ARPP21: variants seen among roughly 807,000 people sequenced by gnomAD.
ARPP21 encodes cAMP-regulated phosphoprotein 21.
ARPP21 carries 69 observed loss-of-function variants against 113.2 expected under a neutral mutation model. The observed-to-expected ratio is 0.61, with a 90% CI of 0.50 to 0.74. ARPP21 has a LOEUF of 0.74. Among genes scored for constraint, ARPP21 ranks in the 30% least tolerant of loss-of-function variants. The probability of loss-of-function intolerance (pLI) is 0.00; values close to 1 mark genes in which losing one functional copy is unlikely to be tolerated. For missense variants in ARPP21, 1,070 were observed against 1,037.4 expected, an observed-to-expected ratio of 1.03 and a Z score of -0.43; for synonymous variants, 368 against 375.5, an observed-to-expected ratio of 0.98 and a Z score of 0.23.
intron 9 of ARPP21, among the ~76,000 whole-genome samples, chr3:35,699,711 C>T (rs1248548192): frequency 4.0e-5 from 6 of 151,694 alleles, no homozygotes; most frequent in Non-Finnish European, 5.9e-5. Context: ...TGGCAATTCC[C>T]TGTCAAGTAA....
At chr3:35,664,374 A>G (rs931293431) in intron 1 of ARPP21, among the ~76,000 whole-genome samples, 20 of 152,166 alleles carry the variant, frequency 1.3e-4, no homozygotes, top group Non-Finnish European at 2.8e-4. Context: ...TACCCTATAG[A>G]GCAATTTCTA....
chr3:35,714,310 T>C (rs929478007), intron 11 of ARPP21, among the ~76,000 whole-genome samples: 1 of 152,182 alleles, frequency 6.6e-6, no homozygotes, highest in Non-Finnish European at 1.5e-5. Context: ...ATTGGCTTAG[T>C]GGAAGGAAAT....
chr3:35,740,916 A>G (rs140885029), intron 18 of ARPP21, among the ~76,000 whole-genome samples: 1 of 152,030 alleles, frequency 6.6e-6, no homozygotes, highest in African/African-American at 2.4e-5. Context: ...TGCACAATAT[A>G]GGGAGACTTC....
intron 18 of ARPP21, among the ~76,000 whole-genome samples, chr3:35,742,090 T>A (rs13100210): frequency 2.5e-3 from 382 of 152,310 alleles, no homozygotes; most frequent in Middle Eastern, 0.017. Flanking sequence ...CCATTAGTCC[T>A]CATCAGAACA....
intron 20 of ARPP21, 66 bp downstream of exon 20, chr3:35,792,596 G>T: frequency 3.3e-6 from 5 of 1,514,462 alleles, no homozygotes; most frequent in Non-Finnish European, 4.6e-6. Context: ...GAAGCTGTGG[G>T]TCTGTCCCTG....
At chr3:35,734,347 G>T (rs1674346179) in intron 15 of ARPP21, among the ~76,000 whole-genome samples, 1 of 152,056 alleles carries the variant, frequency 6.6e-6, no homozygotes, top group African/African-American at 2.4e-5. Flanking sequence ...AGGAAAAATG[G>T]GTTGCAGTTT....
intron 5 of ARPP21, among the ~76,000 whole-genome samples, chr3:35,687,263 A>G (rs566551149): frequency 1.3e-5 from 2 of 151,270 alleles, no homozygotes; most frequent in African/African-American, 2.4e-5. Flanking sequence ...AAATTCAGTA[A>G]TAGGGGCTTT....
chr3:35,780,935 T>A (rs2096511905), intron 19 of ARPP21, among the ~76,000 whole-genome samples: 1 of 151,928 alleles, frequency 6.6e-6, no homozygotes, highest in African/African-American at 2.4e-5. Flanking sequence ...GCAGTGATAA[T>A]CCAAAGCTCT....
chr3:35,675,801 T>TGAA (rs1436926742), intron 1 of ARPP21, among the ~76,000 whole-genome samples: 2 of 97,668 alleles, frequency 2.0e-5, no homozygotes, highest in Non-Finnish European at 4.7e-5. Context: ...AAGATGAAGA[T>TGAA]GATGATGATG....
chr3:35,713,082 G>C lies in ARPP21; in HGVS notation c.898-2357G>C, dbSNP rs141237635. 3.6e-3 allele frequency among the ~76,000 whole-genome samples: 541 copies of C among 152,234 alleles called. 2 individuals are homozygous for C. The highest frequency in any genetic ancestry group is 0.014 in the Middle Eastern group (4 of 294). ...CACCAGAGCTGAGGGTGGGATGTGG[G>C]AGAGAACTCTATAACCCATTAAGCA... On this transcript the variant is annotated intron_variant, in intron 11 of 20. Transcript: ENST00000684406.
chr3:35,670,353 T>G (rs2076017943), intron 1 of ARPP21, among the ~76,000 whole-genome samples: 2 of 151,982 alleles, frequency 1.3e-5, no homozygotes, highest in South Asian at 4.2e-4. Flanking sequence ...TCACTTCTCC[T>G]TCAAACAAGA....
intron 14 of ARPP21, 57 bp from the exon 15 acceptor site, chr3:35,729,246 G>C: frequency 8.2e-7 from 1 of 1,212,938 alleles, no homozygotes; most frequent in Non-Finnish European, 1.2e-6. Flanking sequence ...GACTCAGATT[G>C]GTGCTTTCTC....
At chr3:35,739,218 C>T in intron 17 of ARPP21, 99 bp from the exon 18 acceptor site, 2 of 1,394,488 alleles carry the variant, frequency 1.4e-6, no homozygotes, top group Non-Finnish European at 2.0e-6. Flanking sequence ...TCCTGTCTCT[C>T]CCACAACTCC....
intron 1 of ARPP21, among the ~76,000 whole-genome samples, chr3:35,665,226 G>A (rs1199633879): frequency 6.6e-6 from 1 of 151,914 alleles, no homozygotes; most frequent in African/African-American, 2.4e-5. Flanking sequence ...CAGAGTCTTA[G>A]GCTTTATGTG....
intron 12 of ARPP21, among the ~76,000 whole-genome samples, chr3:35,716,006 G>T (rs34274572): frequency 0.11 from 17,041 of 152,042 alleles, 983 homozygotes; most frequent in Non-Finnish European, 0.12. Flanking sequence ...CCTAGATTTA[G>T]CAGTGTACCT....
At chr3:35,781,066 C>T (rs976747897) in intron 19 of ARPP21, among the ~76,000 whole-genome samples, 4 of 152,072 alleles carry the variant, frequency 2.6e-5, no homozygotes, top group Non-Finnish European at 4.4e-5. Flanking sequence ...TCTTAGACCA[C>T]GTGGTCCTGC....
At chr3:35,646,861 AC>A (rs1332923759) in intron 1 of ARPP21, among the ~76,000 whole-genome samples, 1 of 152,186 alleles carries the variant, frequency 6.6e-6, no homozygotes, top group African/African-American at 2.4e-5. Flanking sequence ...CTGGCATTGT[AC>A]TAAATTCAAA....
chr3:35,741,377 A>G (rs1230011407), intron 18 of ARPP21, among the ~76,000 whole-genome samples: 3 of 152,232 alleles, frequency 2.0e-5, no homozygotes, highest in African/African-American at 7.2e-5. Context: ...GCTATAACCC[A>G]TAGTAACTTT....
chr3:35,689,490 A>G, intron 7 of ARPP21, 105 bp downstream of exon 7: 1 of 655,740 alleles, frequency 1.5e-6, no homozygotes, highest in Admixed American at 2.7e-5. Flanking sequence ...AAATGCAGAT[A>G]CCTTCCCTGA....
Sources: allele counts gnomAD v4.1 joint callset (sites outside exome capture counted in the v4.1 genomes callset), GRCh38; gene constraint gnomAD v4.1.1; transcripts MANE v1.5; gene names NCBI Gene and HGNC (gene_info 2026-07-23, HGNC 2026-07-21).